FARS2: variants seen among roughly 807,000 people sequenced by gnomAD.
FARS2 encodes the protein phenylalanyl-tRNA synthetase 2, mitochondrial, also known as phenylalanine--tRNA ligase, mitochondrial.
A neutral mutation model predicts 46.4 loss-of-function variants in FARS2; 40 were observed. The observed-to-expected ratio is 0.86, with a 90% CI of 0.67 to 1.12. The LOEUF is 1.12. Among genes scored for constraint, FARS2 ranks in the 50% most tolerant of loss-of-function variants. The pLI, the probability that FARS2 is intolerant of heterozygous loss-of-function variation, is 0.00. For synonymous variants in FARS2, 234 were observed against 214.9 expected (o/e 1.09, Z -0.78); for missense variants, 513 against 567.9 (o/e 0.90, Z 0.98).
intron 4 of FARS2, among the ~76,000 whole-genome samples, chr6:5,497,243 T>A (rs1582273898): frequency 6.6e-6 from 1 of 152,348 alleles, no homozygotes; most frequent in Non-Finnish European, 1.5e-5. Flanking sequence ...TGATCCTGTT[T>A]GAAATGACTG....
chr6:5,627,756 A>G (rs779255673), intron 6 of FARS2, among the ~76,000 whole-genome samples: 1 of 152,258 alleles, frequency 6.6e-6, no homozygotes, highest in South Asian at 2.1e-4. Flanking sequence ...AAGAAATTCC[A>G]TCAACAACGT....
At chr6:5,510,762 A>ACC (rs1582311835) in intron 4 of FARS2, among the ~76,000 whole-genome samples, 1 of 141,792 alleles carries the variant, frequency 7.1e-6, no homozygotes, top group East Asian at 2.1e-4. Flanking sequence ...AGCCCCACCC[A>ACC]CCCCCCTCTT....
At chr6:5,651,992 G>A (rs1422093610) in intron 6 of FARS2, among the ~76,000 whole-genome samples, 1 of 152,160 alleles carries the variant, frequency 6.6e-6, no homozygotes, top group African/African-American at 2.4e-5. Flanking sequence ...GCACAGAGAA[G>A]AAGTCATCTT....
At chr6:5,447,828 G>C (rs1764264450) in intron 4 of FARS2, among the ~76,000 whole-genome samples, 2 of 152,200 alleles carry the variant, frequency 1.3e-5, no homozygotes, top group Admixed American at 1.3e-4. Context: ...CTTAAGGATT[G>C]AATGGTTTGA....
At chr6:5,737,100 C>G (rs190326250) in intron 6 of FARS2, among the ~76,000 whole-genome samples, 2 of 152,212 alleles carry the variant, frequency 1.3e-5, no homozygotes, top group East Asian at 3.9e-4. Flanking sequence ...CACAGATGAC[C>G]CTGCGTGAAG....
At chr6:5,260,969 G>T, upstream of FARS2, 1 of 1,241,822 alleles carries the variant, frequency 8.1e-7, no homozygotes, top group Non-Finnish European at 1.0e-6. Context: ...TAAGGGGGCG[G>T]TGCTGGGAGG....
At chr6:5,586,445 T>C (rs527712039) in intron 5 of FARS2, among the ~76,000 whole-genome samples, 1 of 152,318 alleles carries the variant, frequency 6.6e-6, no homozygotes, top group East Asian at 1.9e-4. Context: ...TCTTTTGAGA[T>C]GATTGCATGA....
rs1765825515 is a variant in FARS2, at chr6:5,471,906, A to T, written c.904+40734A>T. 6.6e-6 allele frequency among the ~76,000 whole-genome samples: 1 copy of T among 152,224 alleles called. No homozygotes were observed. Among genetic ancestry groups the T allele is most frequent in the Non-Finnish European group, 1.5e-5 (1 of 68,040 alleles). ...GAGATCGCTAATACTGCTGAAACCCAAAGAAAGGGCATTTGCCACAGCTCA... is the reference window on the plus strand; with the variant it reads ...GAGATCGCTAATACTGCTGAAACCCTAAGAAAGGGCATTTGCCACAGCTCA... On this transcript the variant is annotated intron_variant, in intron 4 of 6. Transcript: ENST00000274680. This position sits in a 1 kb window ranked among gnomAD's most constrained non-coding sequence, Gnocchi z 4.1.
At chr6:5,309,335 AGG>A (rs1768933936) in intron 1 of FARS2, among the ~76,000 whole-genome samples, 1 of 152,132 alleles carries the variant, frequency 6.6e-6, no homozygotes. Flanking sequence ...CTCTTTACAG[AGG>A]GGAGAGAGAC....
intron 6 of FARS2, among the ~76,000 whole-genome samples, chr6:5,718,457 G>A (rs540035947): frequency 2.6e-5 from 4 of 152,236 alleles, no homozygotes; most frequent in South Asian, 2.1e-4. Context: ...AAGTGTTGGC[G>A]GCATTTTTGC....
chr6:5,561,572 A>T (rs1169731345), intron 5 of FARS2, among the ~76,000 whole-genome samples: 1 of 152,122 alleles, frequency 6.6e-6, no homozygotes, highest in African/African-American at 2.4e-5. Context: ...ATTTTGAGTG[A>T]TGTTTCAGAA....
At chr6:5,430,516 A>G (rs1266803889) in intron 3 of FARS2, among the ~76,000 whole-genome samples, 1 of 151,938 alleles carries the variant, frequency 6.6e-6, no homozygotes, top group Admixed American at 6.6e-5. Context: ...CTTAAGATTG[A>G]CTGATAGATT....
chr6:5,353,932 G>A (rs1373661956), intron 1 of FARS2, among the ~76,000 whole-genome samples: 2 of 140,678 alleles, frequency 1.4e-5, no homozygotes, highest in African/African-American at 2.5e-5. Flanking sequence ...TTCATCTCCT[G>A]TTTGCTGCTT....
Position 5,601,180 on chromosome 6 carries a change from A to G in FARS2, c.1066-11989A>G, listed in dbSNP as rs1244287080. ...TTGTTCAAGCCACCGAGTCTGTGGT[A>G]TTTTTGTTACAGCAGCCCAAGCTAC... On this transcript the variant is annotated intron_variant, in intron 5 of 6. Transcript: ENST00000274680. Among the ~76,000 whole-genome samples the G allele has an allele frequency of 9.2e-5, 14 of 152,110 alleles. No individual in the cohort carries two copies. The East Asian group carries it at 1.9e-3, about 21-fold the overall frequency.
At chr6:5,426,238 A>G (rs1762842696) in intron 3 of FARS2, among the ~76,000 whole-genome samples, 1 of 152,152 alleles carries the variant, frequency 6.6e-6, no homozygotes, top group South Asian at 2.1e-4. Context: ...TATGCACTTA[A>G]TTTTCCTCTA....
At chr6:5,605,205 G>C (rs1774762395) in intron 5 of FARS2, among the ~76,000 whole-genome samples, 1 of 152,208 alleles carries the variant, frequency 6.6e-6, no homozygotes, top group Admixed American at 6.5e-5. Flanking sequence ...ACGCAAAGCA[G>C]AGTGTGAAAC....
chr6:5,468,004 G>A (rs17140510), intron 4 of FARS2, among the ~76,000 whole-genome samples: 5,483 of 152,238 alleles, frequency 0.036, 309 homozygotes, highest in African/African-American at 0.12. Flanking sequence ...TGACTGAGAG[G>A]CTGAGGCCAG....
At chr6:5,560,839 A>G (rs1456362380) in intron 5 of FARS2, among the ~76,000 whole-genome samples, 2 of 152,110 alleles carry the variant, frequency 1.3e-5, no homozygotes, top group African/African-American at 2.4e-5. Context: ...TTTCATATGT[A>G]TTGGCACAGC....
At chr6:5,296,782 A>C (rs1767925027) in intron 1 of FARS2, among the ~76,000 whole-genome samples, 1 of 152,162 alleles carries the variant, frequency 6.6e-6, no homozygotes, top group South Asian at 2.1e-4. Flanking sequence ...GAGTAGTATT[A>C]CATTGTCTGG....
Sources: gnomAD v4.1 joint callset for allele counts (sites outside exome capture counted in the v4.1 genomes callset) on GRCh38, gnomAD v4.1.1 for gene constraint, Gnocchi (gnomAD v3.1) non-coding constraint, MANE v1.5 for transcripts, NCBI Gene and HGNC (gene_info 2026-07-23, HGNC 2026-07-21) for gene names.